The following EPM2A variants were observed in gnomAD, a reference collection of about 807,000 sequenced individuals.
The protein encoded by EPM2A is laforin.
Under a neutral mutation model 26.5 loss-of-function variants are expected in EPM2A, and 21 were observed. That is an observed-to-expected ratio of 0.79 (90% CI 0.56 to 1.14). EPM2A has a LOEUF of 1.14. Among genes scored for constraint, EPM2A ranks in the 50% most tolerant of loss-of-function variants. EPM2A has a pLI of 0.00. For synonymous variants in EPM2A, 217 were observed against 177.6 expected (o/e 1.22, Z -1.76); for missense variants, 458 against 440.8 (o/e 1.04, Z -0.35).
intron 4 of EPM2A, among the ~76,000 whole-genome samples, chr6:145,442,478 C>G (rs1456367872): frequency 6.6e-6 from 1 of 151,916 alleles, no homozygotes; most frequent in Non-Finnish European, 1.5e-5. Flanking sequence ...AGAGAGAGAG[C>G]CAAGCAAAAG....
intron 2 of EPM2A, among the ~76,000 whole-genome samples, chr6:145,537,860 T>A (rs908759709): frequency 6.6e-6 from 1 of 152,244 alleles, no homozygotes; most frequent in Admixed American, 6.5e-5. Flanking sequence ...GTGTTTGGTT[T>A]TCTGTTCCTG....
At chr6:145,700,285 T>G (rs911682430) in intron 1 of EPM2A, among the ~76,000 whole-genome samples, 4 of 152,158 alleles carry the variant, frequency 2.6e-5, no homozygotes, top group African/African-American at 4.8e-5. Flanking sequence ...CTAATAATCT[T>G]TAATGTTGAT....
chr6:145,487,718 A>G (rs761803944), intron 4 of EPM2A, among the ~76,000 whole-genome samples: 1 of 152,014 alleles, frequency 6.6e-6, no homozygotes, highest in Non-Finnish European at 1.5e-5. Flanking sequence ...TAGATATTAG[A>G]CTTTTTTCAG....
chr6:145,711,563 T>A (rs1344554034), intron 1 of EPM2A, among the ~76,000 whole-genome samples: 1 of 152,108 alleles, frequency 6.6e-6, no homozygotes, highest in Non-Finnish European at 1.5e-5. Flanking sequence ...TAGGATTAGA[T>A]AAGGTCCTCC....
chr6:145,615,499 T>C (rs1582898758), intron 2 of EPM2A, among the ~76,000 whole-genome samples: 1 of 151,908 alleles, frequency 6.6e-6, no homozygotes, highest in East Asian at 1.9e-4. Flanking sequence ...ATTTACAGTA[T>C]TAGTACGGTA....
At chr6:145,582,613 A>C (rs1163593974) in intron 2 of EPM2A, among the ~76,000 whole-genome samples, 1 of 152,146 alleles carries the variant, frequency 6.6e-6, no homozygotes, top group South Asian at 2.1e-4. Context: ...ACCTTAGATA[A>C]TCTGAAGACT....
chr6:145,427,158 A>G (rs900480968), intron 4 of EPM2A, among the ~76,000 whole-genome samples: 1 of 151,054 alleles, frequency 6.6e-6, no homozygotes, highest in East Asian at 1.9e-4. Flanking sequence ...AACCTTAGAC[A>G]GCCAATATCA....
intron 4 of EPM2A, among the ~76,000 whole-genome samples, chr6:145,432,631 T>G (rs907364308): frequency 1.3e-5 from 2 of 152,112 alleles, no homozygotes; most frequent in Non-Finnish European, 2.9e-5. Flanking sequence ...AGGTTTAGTG[T>G]AACTCTTAAG....
chr6:145,505,254 A>T (rs1439002648), intron 2 of EPM2A, among the ~76,000 whole-genome samples: 2 of 151,966 alleles, frequency 1.3e-5, no homozygotes, highest in African/African-American at 4.8e-5. Flanking sequence ...ATTAAAAAAA[A>T]AAATTTATTT....
intron 1 of EPM2A, chr6:145,721,450 G>A (rs1488092596): frequency 1.3e-5 from 2 of 152,178 alleles, no homozygotes; most frequent in Admixed American, 6.5e-5. Context: ...ACATTTTAAT[G>A]AGCTTACTGG....
chr6:145,595,535 ACT>A (rs966820668), intron 2 of EPM2A, among the ~76,000 whole-genome samples: 12 of 151,504 alleles, frequency 7.9e-5, no homozygotes, highest in African/African-American at 2.9e-4. Flanking sequence ...ATCTTTACAC[ACT>A]CTTTTCATAG....
intron 2 of EPM2A, among the ~76,000 whole-genome samples, chr6:145,505,874 C>G (rs1484044738): frequency 6.6e-6 from 1 of 152,152 alleles, no homozygotes; most frequent in Non-Finnish European, 1.5e-5. Context: ...AATAGTGCCA[C>G]TTTGCTTTTA....
At chr6:145,470,614 TC>T (rs886606208) in intron 4 of EPM2A, among the ~76,000 whole-genome samples, 1 of 152,176 alleles carries the variant, frequency 6.6e-6, no homozygotes, top group Non-Finnish European at 1.5e-5. Flanking sequence ...ATACATGTTT[TC>T]TTGCATGTGT....
intron 2 of EPM2A, among the ~76,000 whole-genome samples, chr6:145,645,478 C>G (rs1211657537): frequency 1.3e-5 from 2 of 152,008 alleles, no homozygotes; most frequent in Non-Finnish European, 2.9e-5. Flanking sequence ...AATTTCTTTT[C>G]TACTTTTTTG....
chr6:145,676,260 G>C (rs1780029336), intron 2 of EPM2A, among the ~76,000 whole-genome samples: 3 of 152,134 alleles, frequency 2.0e-5, no homozygotes. Flanking sequence ...CAGAATCTCT[G>C]GGACACATTT....
At chr6:145,413,800 T>G (rs1778673615) in intron 4 of EPM2A, among the ~76,000 whole-genome samples, 1 of 152,178 alleles carries the variant, frequency 6.6e-6, no homozygotes. Flanking sequence ...ACGTAAAAAC[T>G]CCTCGCAAGT....
intron 4 of EPM2A, among the ~76,000 whole-genome samples, chr6:145,388,478 A>G (rs1300293893): frequency 6.6e-6 from 1 of 152,010 alleles, no homozygotes; most frequent in East Asian, 1.9e-4. Flanking sequence ...TAAAACCCAG[A>G]CCAATTTCTT....
intron 4 of EPM2A, among the ~76,000 whole-genome samples, chr6:145,415,233 T>C (rs538355947): frequency 1.3e-5 from 2 of 152,348 alleles, no homozygotes; most frequent in South Asian, 4.1e-4. Flanking sequence ...GAACATTCAA[T>C]ATGTTAAAAT....
chr6:145,493,173 G>C (rs1048193251), intron 4 of EPM2A, among the ~76,000 whole-genome samples: 4 of 152,164 alleles, frequency 2.6e-5, no homozygotes, highest in African/African-American at 7.2e-5. Context: ...CACCTGGGTG[G>C]CCACAGTACC....
Sources: gnomAD v4.1 joint callset for allele counts (sites outside exome capture counted in the v4.1 genomes callset) on GRCh38, gnomAD v4.1.1 for gene constraint, MANE v1.5 for transcripts, NCBI Gene and HGNC (gene_info 2026-07-23, HGNC 2026-07-21) for gene names.